The following ADRA1D variants were observed in gnomAD, a reference collection of about 807,000 sequenced individuals.
ADRA1D encodes adrenoceptor alpha 1D.
A neutral mutation model predicts 18.6 loss-of-function variants in ADRA1D; 22 were observed. The ratio of observed to expected loss-of-function variants is 1.19; its 90% CI spans 0.85 to 1.69. ADRA1D has a LOEUF of 1.69. ADRA1D is among the 40% of genes most tolerant of loss of function. ADRA1D has a pLI of 0.00. For missense variants in ADRA1D, 840 were observed against 840.7 expected (o/e 1.00, Z 0.01); for synonymous variants, 376 against 388.2 (o/e 0.97, Z 0.37).
chr20:4,223,995 G>A (rs1980734095), intron 1 of ADRA1D, among the ~76,000 whole-genome samples: 1 of 152,200 alleles, frequency 6.6e-6, no homozygotes, highest in Non-Finnish European at 1.5e-5. Flanking sequence ...AGCTTAGGGG[G>A]GTCAGCCAGG....
At chr20:4,235,052 T>C (rs1413045817) in intron 1 of ADRA1D, among the ~76,000 whole-genome samples, 1 of 151,766 alleles carries the variant, frequency 6.6e-6, no homozygotes, top group Non-Finnish European at 1.5e-5. Context: ...AAGGGGTGAG[T>C]CGAGGGCACC....
At chr20:4,240,450 T>C (rs1184774466) in intron 1 of ADRA1D, among the ~76,000 whole-genome samples, 3 of 151,680 alleles carry the variant, frequency 2.0e-5, no homozygotes, top group Non-Finnish European at 2.9e-5. Flanking sequence ...TAGAACTATA[T>C]ATTGAAGGAT....
intron 1 of ADRA1D, among the ~76,000 whole-genome samples, chr20:4,238,965 G>A (rs967774204): frequency 2.6e-5 from 4 of 152,024 alleles, no homozygotes; most frequent in African/African-American, 7.2e-5. Flanking sequence ...GCAGGGAGGT[G>A]AAGGCTTGGT....
intron 1 of ADRA1D, among the ~76,000 whole-genome samples, chr20:4,241,981 A>ACC (rs1981224558): frequency 6.6e-6 from 1 of 152,220 alleles, no homozygotes; most frequent in Non-Finnish European, 1.5e-5. Flanking sequence ...ATATGCATGC[A>ACC]CCAATGTCAT....
chr20:4,229,855 G>C (rs553039095), intron 1 of ADRA1D, among the ~76,000 whole-genome samples: 1 of 151,830 alleles, frequency 6.6e-6, no homozygotes, highest in Admixed American at 6.6e-5. Context: ...GACTGGTCAC[G>C]TCACTCCTCT....
intron 1 of ADRA1D, among the ~76,000 whole-genome samples, chr20:4,246,543 C>A (rs932790063): frequency 6.6e-6 from 1 of 152,014 alleles, no homozygotes; most frequent in Non-Finnish European, 1.5e-5. Flanking sequence ...CAGAGGGAAG[C>A]GGCAAGACCG....
At chr20:4,226,565 C>A (rs1051316130) in intron 1 of ADRA1D, among the ~76,000 whole-genome samples, 2 of 152,196 alleles carry the variant, frequency 1.3e-5, no homozygotes, top group East Asian at 3.8e-4. Flanking sequence ...TATTTATACG[C>A]CCATTCCCAT....
chr20:4,241,584 G>A (rs1981213899), intron 1 of ADRA1D, among the ~76,000 whole-genome samples: 1 of 152,184 alleles, frequency 6.6e-6, no homozygotes, highest in African/African-American at 2.4e-5. Context: ...TATGTTCCAG[G>A]TGCCACAAAG....
chr20:4,242,204 A>G (rs1024291762), intron 1 of ADRA1D, among the ~76,000 whole-genome samples: 1 of 152,258 alleles, frequency 6.6e-6, no homozygotes, highest in African/African-American at 2.4e-5. Context: ...TATTTTGCGC[A>G]GTATAACATC....
At chr20:4,230,432 C>T (rs887893704) in intron 1 of ADRA1D, among the ~76,000 whole-genome samples, 2 of 152,220 alleles carry the variant, frequency 1.3e-5, no homozygotes, top group Non-Finnish European at 2.9e-5. Context: ...ACGTCCTGTG[C>T]GGTAGATGTC....
chr20:4,221,833 G>T lies in ADRA1D; in HGVS notation c.1409C>A (p.Pro470His). The change falls in exon 2 of 2, where the codon CCC becomes CAC. Residue 470 changes from proline (P) to histidine (H), a missense_variant. Physicochemically the swap from Pro to His is moderately conservative, Grantham distance 77. Coordinates refer to ENST00000379453, the MANE Select transcript of ADRA1D (RefSeq NM_000678.4). The stretch of plus-strand genomic sequence containing the variant: ...GGGCGTGCCTGGGGGTTCGGGGTCG[G>T]GGTCGGGGAGCGCGGTGAGGGCCAG... ...APLALTALPD[P>H]DPEPPGTPEM... 6.7e-7 allele frequency: 1 copy of T among 1,501,380 alleles called. No homozygotes were observed. Among genetic ancestry groups the T allele is most frequent in the African/African-American group, 1.4e-5 (1 of 70,252 alleles). The allele number at this position is 1,501,380 out of a possible 1,614,324, so 93.0% of individuals were successfully genotyped here. A position where few individuals can be genotyped will look rare whatever the true frequency, so the allele number is the denominator to read the frequency against.
chr20:4,221,877 G>A lies in ADRA1D; in HGVS notation c.1365C>T (p.Asp455=), dbSNP rs1253351406. ...GGGCCAGCGGCGCTCCGGGGGGCGCGTCGCCCGAACTCGGGGCGCAGTCCT... is the reference window on the plus strand; with the variant it reads ...GGGCCAGCGGCGCTCCGGGGGGCGCATCGCCCGAACTCGGGGCGCAGTCCT... ...LRQDCAPSSG[D]APPGAPLALT... Residue 455 remains aspartate, a synonymous_variant, in exon 2 of 2, where the codon GAC becomes GAT. Coordinates refer to ENST00000379453, the MANE Select transcript of ADRA1D (RefSeq NM_000678.4). 1 of 1,468,568 alleles carries A rather than the reference G, an allele frequency of 6.8e-7. No homozygotes were observed. Among genetic ancestry groups the A allele is most frequent in the Non-Finnish European group, 8.9e-7 (1 of 1,118,588 alleles). 91.0% of individuals were successfully genotyped at this position (1,468,568 alleles called of 1,614,324 possible). A position where few individuals can be genotyped will look rare whatever the true frequency, so the allele number is the denominator to read the frequency against.
intron 1 of ADRA1D, among the ~76,000 whole-genome samples, chr20:4,223,165 AG>A (rs1186876216): frequency 6.9e-6 from 1 of 145,516 alleles, no homozygotes; most frequent in East Asian, 2.2e-4. Context: ...CAATAGAGAA[AG>A]GGTAGTCTTT....
chr20:4,248,658 G>T lies in ADRA1D; in HGVS notation c.300C>A (p.Gly100=). 1 of 1,605,258 alleles carries T rather than the reference G, an allele frequency of 6.2e-7. No individual in the cohort carries two copies. Among genetic ancestry groups the T allele is most frequent in the Non-Finnish European group, 8.5e-7 (1 of 1,176,676 alleles). Residue 100 remains glycine, a synonymous_variant, in exon 1 of 2, where the codon GGC becomes GGA. Transcript: ENST00000379453. ...LVVSAQGVGV[G]VFLAAFILMA... ...TAAGGATGAAGGCTGCCAGGAAGACGCCCACGCCCACGCCCTGCGCGCTCA... is the reference window on the plus strand; with the variant it reads ...TAAGGATGAAGGCTGCCAGGAAGACTCCCACGCCCACGCCCTGCGCGCTCA...
intron 1 of ADRA1D, among the ~76,000 whole-genome samples, chr20:4,225,998 G>A (rs1980789927): frequency 6.6e-6 from 1 of 152,238 alleles, no homozygotes; most frequent in Non-Finnish European, 1.5e-5. Flanking sequence ...CGCGAACTAA[G>A]ACAGAGTGCT....
At chr20:4,225,965 C>T (rs1169185106) in intron 1 of ADRA1D, among the ~76,000 whole-genome samples, 1 of 152,188 alleles carries the variant, frequency 6.6e-6, no homozygotes, top group Non-Finnish European at 1.5e-5. Context: ...AAGTGGCCCT[C>T]AAGAACAGCA....
intron 1 of ADRA1D, among the ~76,000 whole-genome samples, chr20:4,233,657 G>A (rs571772542): frequency 8.5e-5 from 13 of 152,218 alleles, no homozygotes; most frequent in African/African-American, 2.4e-4. Flanking sequence ...AGTGCTTTTC[G>A]TGGTCCCCAA....
At chr20:4,247,798 C>CAT (rs755081042) in intron 1 of ADRA1D, 49 bp downstream of exon 1, 1 of 1,448,390 alleles carries the variant, frequency 6.9e-7, no homozygotes, top group South Asian at 1.5e-5. Flanking sequence ...AGGGCACCGC[C>CAT]ATAGGCTCAG....
chr20:4,233,952 C>T (rs773487178), intron 1 of ADRA1D, among the ~76,000 whole-genome samples: 1 of 152,202 alleles, frequency 6.6e-6, no homozygotes, highest in African/African-American at 2.4e-5. Context: ...CTGGGCTGCT[C>T]CAGCCTGCCT....
Sources: gnomAD v4.1 joint callset for allele counts (sites outside exome capture counted in the v4.1 genomes callset) on GRCh38, gnomAD v4.1.1 for gene constraint, MANE v1.5 for transcripts, NCBI Gene and HGNC (gene_info 2026-07-23, HGNC 2026-07-21) for gene names.